Variants in GAB4 observed in about 807,000 individuals in gnomAD.
GAB4 encodes the protein GRB2-associated-binding protein 4.
GAB4 carries 26 observed loss-of-function variants against 51.3 expected under a neutral mutation model. That is an observed-to-expected ratio of 0.51 (90% CI 0.37 to 0.70). GAB4 has a LOEUF of 0.70. Among genes scored for constraint, GAB4 ranks in the 30% least tolerant of loss-of-function variants. The pLI is 0.00. For synonymous variants in GAB4, 329 were observed against 291.2 expected (o/e 1.13, Z -1.32); for missense variants, 759 against 734.6 (o/e 1.03, Z -0.38).
chr22:16,985,946 T>G (rs1371247390), intron 3 of GAB4, among the ~76,000 whole-genome samples: 1 of 152,198 alleles, frequency 6.6e-6, no homozygotes, highest in Admixed American at 6.5e-5. Flanking sequence ...TCCATTAACA[T>G]GAGGCAGACA....
chr22:16,969,564 G>A (rs771672848), intron 4 of GAB4: 27 of 500,634 alleles, frequency 5.4e-5, no homozygotes, highest in Non-Finnish European at 7.7e-5. Context: ...CTGAGAACCC[G>A]GTGCCACCTC....
intron 6 of GAB4, 31 bp downstream of exon 6, chr22:16,966,068 AT>A: frequency 6.2e-7 from 1 of 1,607,532 alleles, no homozygotes; most frequent in Non-Finnish European, 8.5e-7. Flanking sequence ...GTCCCTGGAC[AT>A]TGTCAAGAAA....
chr22:16,987,626 A>C (rs535075465), intron 3 of GAB4, among the ~76,000 whole-genome samples: 1 of 152,234 alleles, frequency 6.6e-6, no homozygotes, highest in Non-Finnish European at 1.5e-5. Context: ...CTGTCCTCTT[A>C]AGGCCAACAC....
At chr22:16,991,803 C>T in intron 2 of GAB4, 70 bp downstream of exon 2, 2 of 1,313,124 alleles carry the variant, frequency 1.5e-6, no homozygotes, top group South Asian at 1.4e-5. Context: ...GCTAGAGCTG[C>T]CCTCCTTGCT....
At chr22:16,971,033 CAAAA>C (rs559151212) in intron 3 of GAB4, among the ~76,000 whole-genome samples, 2 of 126,068 alleles carry the variant, frequency 1.6e-5, no homozygotes, top group African/African-American at 5.9e-5. Flanking sequence ...CTGTCTCTTC[CAAAA>C]AAAAAAAAAA....
intron 2 of GAB4, among the ~76,000 whole-genome samples, chr22:16,991,628 G>T (rs2060914659): frequency 6.6e-6 from 1 of 152,234 alleles, no homozygotes; most frequent in African/African-American, 2.4e-5. Context: ...CGAAGGAGAG[G>T]TCTTCCCTAC....
At chr22:16,965,950 C>T in intron 6 of GAB4, 150 bp downstream of exon 6, 1 of 734,688 alleles carries the variant, frequency 1.4e-6, no homozygotes. Flanking sequence ...GTAGGAGTTA[C>T]TATCTCCATT....
chr22:16,992,218 T>C (rs373851315), intron 1 of GAB4, 42 bp from the exon 2 acceptor site: 1 of 1,551,592 alleles, frequency 6.4e-7, no homozygotes, highest in Non-Finnish European at 8.8e-7. Flanking sequence ...CATTTGTTAT[T>C]ACAAAGCTTT....
chr22:16,968,294 T>C lies in GAB4; in HGVS notation c.1023+4A>G, dbSNP rs372345857. On this transcript the variant is annotated splice_donor_region_variant and intron_variant, in intron 5 of 9. Coordinates refer to ENST00000400588, the MANE Select transcript of GAB4 (RefSeq NM_001037814.1). The stretch of plus-strand genomic sequence containing the variant: ...CTGGGGACCCCTGGTTAAGCCATAC[T>C]CACCAGGAAAGAACAGACTCCCTCA... 1.4e-5 allele frequency: 22 copies of C among 1,610,876 alleles called. No homozygotes were observed. Among genetic ancestry groups the C allele is most frequent in the African/African-American group, 4.0e-5 (3 of 74,874 alleles).
Position 16,963,720 on chromosome 22 carries a change from G to T in GAB4, c.1581+5C>A, listed in dbSNP as rs762744973. 9.3e-6 allele frequency: 15 copies of T among 1,610,390 alleles called. No homozygotes were observed. The African/African-American group carries it at 2.0e-4, about 22-fold the overall frequency. The stretch of plus-strand genomic sequence containing the variant: ...TCTGCCCAACCCCAGCTCCACCCCA[G>T]GCACCTTGCTCGGCTGGAAGTCCAG... On this transcript the variant is annotated splice_donor_5th_base_variant and intron_variant, in intron 9 of 9. Coordinates refer to ENST00000400588, the MANE Select transcript of GAB4 (RefSeq NM_001037814.1).
chr22:16,962,547 G>T lies in GAB4; in HGVS notation c.*186C>A. ...CTTGCTGGCAACTGCTCCTAGCAAG[G>T]GGGTGAAGGTGGGGACCATGGCCAG... On this transcript the variant is annotated 3_prime_UTR_variant, in exon 10 of 10. Transcript: ENST00000400588. The T allele has an allele frequency of 2.2e-6, 1 of 449,180 alleles. No homozygotes were observed. Among genetic ancestry groups the T allele is most frequent in the East Asian group, 3.4e-5 (1 of 29,246 alleles). 27.8% of individuals were successfully genotyped at this position (449,180 alleles called of 1,614,324 possible). A position where few individuals can be genotyped will look rare whatever the true frequency, so the allele number is the denominator to read the frequency against.
In GAB4 at chr22:16,969,569, C is replaced by T. The variant is rs1601250704; in HGVS notation, c.937+374G>A. ...TAGCTAACCACTGAGAACCCGGTGC[C>T]ACCTCCCCTCTCCCTCTGGGTCTCA... is the stretch of plus-strand genomic sequence containing the variant. On this transcript the variant is annotated intron_variant, in intron 4 of 9. Coordinates refer to ENST00000400588, the MANE Select transcript of GAB4 (RefSeq NM_001037814.1). The T allele has an allele frequency of 5.9e-5, 29 of 487,564 alleles. No individual in the cohort carries two copies. The East Asian group carries it at 8.7e-4, about 15-fold the overall frequency. The allele number at this position is 487,564 out of a possible 1,614,324, so 30.2% of individuals were successfully genotyped here.
intron 2 of GAB4, among the ~76,000 whole-genome samples, chr22:16,991,669 A>G (rs542543158): frequency 5.0e-4 from 76 of 152,316 alleles, no homozygotes; most frequent in Non-Finnish European, 9.6e-4. Flanking sequence ...GGCAAAGTGC[A>G]GAGAGCTCAG....
Position 16,974,270 on chromosome 22 carries a change from G to A in GAB4, c.687-4077C>T, listed in dbSNP as rs556161529. On this transcript the variant is annotated intron_variant, in intron 3 of 9. Transcript: ENST00000400588. ...CGCTTGTCTTCCAGGACTGCAGGCT[G>A]ACAGAAGCTGCATAAAACAGGTAAG... Among the ~76,000 whole-genome samples, 373 of 152,372 alleles carry A rather than the reference G, an allele frequency of 2.4e-3. 4 individuals carry two copies. Among genetic ancestry groups the A allele is most frequent in the Non-Finnish European group, 2.5e-3 (173 of 68,036 alleles).
At chr22:16,989,014 G>T (rs146102069) in intron 2 of GAB4, among the ~76,000 whole-genome samples, 1 of 152,096 alleles carries the variant, frequency 6.6e-6, no homozygotes, top group Non-Finnish European at 1.5e-5. Flanking sequence ...CCATGTTCCC[G>T]TTACATGCGT....
At chr22:16,982,197 G>C (rs1231279277) in intron 3 of GAB4, among the ~76,000 whole-genome samples, 5 of 152,150 alleles carry the variant, frequency 3.3e-5, no homozygotes, top group Non-Finnish European at 7.4e-5. Context: ...AATGAGAAGG[G>C]AGAAAGAAAG....
intron 3 of GAB4, among the ~76,000 whole-genome samples, chr22:16,985,533 G>C (rs1262345307): frequency 1.3e-5 from 2 of 152,246 alleles, no homozygotes; most frequent in African/African-American, 4.8e-5. Flanking sequence ...GGTTTAGTAT[G>C]ATGCAAGCTA....
chr22:16,972,656 C>T (rs1336195775), intron 3 of GAB4, among the ~76,000 whole-genome samples: 1 of 152,164 alleles, frequency 6.6e-6, no homozygotes, highest in African/African-American at 2.4e-5. Context: ...TGGCTCCAGC[C>T]TCTCAAGCCC....
rs1159537538 is a variant in GAB4, at chr22:16,984,007, G to T, written c.686+3953C>A. 1.3e-4 allele frequency among the ~76,000 whole-genome samples: 20 copies of T among 152,142 alleles called. No individual in the cohort carries two copies. The South Asian group carries it at 3.7e-3, about 28-fold the overall frequency. On this transcript the variant is annotated intron_variant, in intron 3 of 9. Coordinates refer to ENST00000400588, the MANE Select transcript of GAB4 (RefSeq NM_001037814.1). Reference sequence around the variant, plus strand: ...TATAGCAAAGGAAAAAATTAATAAGGTAAAGAAACAATCTACGCAATAGGA... The same window carrying T: ...TATAGCAAAGGAAAAAATTAATAAGTTAAAGAAACAATCTACGCAATAGGA...
Sources: gnomAD v4.1 joint callset for allele counts (sites outside exome capture counted in the v4.1 genomes callset) on GRCh38, gnomAD v4.1.1 for gene constraint, MANE v1.5 for transcripts, NCBI Gene and HGNC (gene_info 2026-07-23, HGNC 2026-07-21) for gene names.